Variants in CFAP221 observed in about 807,000 individuals in gnomAD.
CFAP221 encodes cilia- and flagella-associated protein 221.
In CFAP221, 97 loss-of-function variants were observed where a neutral mutation model predicts 113.1. That is an observed-to-expected ratio of 0.86 (90% confidence interval 0.73 to 1.02). The LOEUF is 1.02. Among genes scored for constraint, CFAP221 ranks in the 50% least tolerant of loss-of-function variants. CFAP221 has a pLI of 0.00. For synonymous variants in CFAP221, 331 were observed against 354.4 expected, an observed-to-expected ratio of 0.93 and a Z score of 0.74; for missense variants, 1,025 against 1,013.4, an observed-to-expected ratio of 1.01 and a Z score of -0.16.
intron 3 of CFAP221, among the ~76,000 whole-genome samples, chr2:119,555,069 G>T (rs1366513626): frequency 6.6e-6 from 1 of 152,206 alleles, no homozygotes; most frequent in East Asian, 1.9e-4. Flanking sequence ...GGGATTGGGG[G>T]TGAAGAGAGC....
rs1685481721 is a variant in CFAP221, at chr2:119,615,777, T to G, written c.1410+68T>G. 2.4e-6 allele frequency: 3 copies of G among 1,229,782 alleles called. No individual in the cohort carries two copies. The African/African-American group carries it at 4.6e-5, about 19-fold the overall frequency. The allele number at this position is 1,229,782 out of a possible 1,614,324, so 76.2% of individuals were successfully genotyped here. On this transcript the variant is annotated intron_variant, in intron 14 of 23. Transcript: ENST00000413369. ...TCAGCATAAGGAAATCAAGCAATGG[T>G]GGTTTGATAACACCTTTATTGAGAT... is the stretch of plus-strand genomic sequence containing the variant.
At chr2:119,598,510 T>G (rs1365255819) in intron 7 of CFAP221, among the ~76,000 whole-genome samples, 1 of 152,248 alleles carries the variant, frequency 6.6e-6, no homozygotes, top group Non-Finnish European at 1.5e-5. Context: ...CCATGTCCTG[T>G]GATTCCACAT....
chr2:119,627,731 A>T lies in CFAP221; in HGVS notation c.1595A>T (p.Glu532Val), dbSNP rs780666774. ...YTSRFSVSPK[E>V]VLPFAFPDCS... is the part of the protein sequence containing the mutation. ...AGCCGGTTCTCTGTGTCGCCCAAGG[A>T]GGTGCTGCCCTTCGCTTTCCCAGAC... The change falls in exon 16 of 24, where the codon GAG becomes GTG. Residue 532 changes from glutamate to valine, a missense_variant. Physicochemically the swap from Glu to Val is moderately radical, Grantham distance 121. Coordinates refer to ENST00000413369, the MANE Select transcript of CFAP221 (RefSeq NM_001271049.2). 1.9e-5 allele frequency: 30 copies of T among 1,613,610 alleles called. No homozygotes were observed. In the Admixed American group the frequency reaches 2.2e-4, roughly 12 times the overall value.
At chr2:119,607,559 G>A (rs1310982038) in intron 11 of CFAP221, among the ~76,000 whole-genome samples, 3 of 152,178 alleles carry the variant, frequency 2.0e-5, no homozygotes, top group Admixed American at 2.0e-4. Context: ...ATATTGTGCA[G>A]AGGTTTTTAG....
chr2:119,604,738 G>T lies in CFAP221; in HGVS notation c.858G>T (p.Met286Ile). ...TAAACGTTCCTCCAGAAAAAGCAAT[G>T]ATGCATATAAATTTTCACCGACCGC... ...KKVNVPPEKA[M>I]MHINFHRPPA... The change falls in exon 9 of 24, where the codon ATG becomes ATT. Residue 286 changes from methionine (M) to isoleucine (I), a missense_variant. Met to Ile is a conservative substitution (Grantham distance 10). Coordinates refer to ENST00000413369, the MANE Select transcript of CFAP221 (RefSeq NM_001271049.2). 6.4e-7 allele frequency: 1 copy of T among 1,550,444 alleles called. No homozygotes were observed. The highest frequency in any genetic ancestry group is 1.2e-5 in the South Asian group (1 of 80,968).
At chr2:119,636,873 A>G (rs1217474419) in intron 19 of CFAP221, among the ~76,000 whole-genome samples, 2 of 152,166 alleles carry the variant, frequency 1.3e-5, no homozygotes, top group Non-Finnish European at 2.9e-5. Context: ...TATGGGAGAC[A>G]GTGCCATTGC....
At chr2:119,585,817 A>G (rs762663758) in intron 6 of CFAP221, among the ~76,000 whole-genome samples, 11 of 152,194 alleles carry the variant, frequency 7.2e-5, no homozygotes, top group African/African-American at 2.7e-4. Flanking sequence ...TGGAGACCCA[A>G]ATGGACTTGG....
chr2:119,608,777 G>A (rs946624012), intron 12 of CFAP221, among the ~76,000 whole-genome samples, 188 bp downstream of exon 12: 6 of 152,216 alleles, frequency 3.9e-5, no homozygotes, highest in Non-Finnish European at 5.9e-5. Flanking sequence ...ACTAAGTTTT[G>A]TGGGGATTCA....
chr2:119,560,179 G>A (rs182900378), intron 5 of CFAP221, among the ~76,000 whole-genome samples, 153 bp downstream of exon 5: 12 of 151,614 alleles, frequency 7.9e-5, no homozygotes, highest in Admixed American at 1.3e-4. Context: ...TGTGACTGGC[G>A]TGCAAAGCTT....
chr2:119,602,719 C>A (rs1344043709), intron 8 of CFAP221: 1 of 985,388 alleles, frequency 1.0e-6, no homozygotes, highest in Non-Finnish European at 1.2e-6. Flanking sequence ...TAGAACTGAA[C>A]ACAAATTTTA....
In CFAP221 at chr2:119,601,227, C is replaced by T. The variant is rs1024809720; in HGVS notation, c.641C>T (p.Pro214Leu). Residue 214 changes from proline (P) to leucine (L), a missense_variant, in exon 8 of 24, where the codon CCG becomes CTG. Transcript: ENST00000413369. ...ATTTCTTTCCTCTCAGGAATAATTC[C>T]GGCTAATGGGAAGATGACTGTGACT... ...FAIEPTSGIIPANGKMTVTIK... is the reference protein window; with the variant it reads ...FAIEPTSGIILANGKMTVTIK... 5.3e-6 allele frequency: 8 copies of T among 1,520,156 alleles called. No individual in the cohort carries two copies. In the African/African-American group the frequency reaches 5.5e-5, roughly 10 times the overall value. The allele number at this position is 1,520,156 out of a possible 1,614,324, so 94.2% of individuals were successfully genotyped here.
intron 19 of CFAP221, among the ~76,000 whole-genome samples, chr2:119,632,805 A>G (rs1277520281): frequency 6.6e-6 from 1 of 152,162 alleles, no homozygotes; most frequent in Non-Finnish European, 1.5e-5. Context: ...AGGATGCAGA[A>G]TCACCATATA....
chr2:119,608,126 G>A (rs2104688001), intron 11 of CFAP221, among the ~76,000 whole-genome samples: 1 of 152,178 alleles, frequency 6.6e-6, no homozygotes, highest in South Asian at 2.1e-4. Flanking sequence ...ATTCCCACTA[G>A]CAACATATGA....
rs1037979839 is a variant in CFAP221 at position 119,629,609 on chromosome 2, C to A, written c.1651-266C>A. Among the ~76,000 whole-genome samples, 4 of 152,208 alleles carry A rather than the reference C, an allele frequency of 2.6e-5. No homozygotes were observed. The South Asian group carries it at 8.3e-4, about 32-fold the overall frequency. On this transcript the variant is annotated intron_variant, in intron 16 of 23. Coordinates refer to ENST00000413369, the MANE Select transcript of CFAP221 (RefSeq NM_001271049.2). ...GGACTGAGTCCTTCAAGCCTGAGTC[C>A]TTCAAGCCTGAGGAAGTTTCTGAGT...
chr2:119,638,288 G>C lies in CFAP221; in HGVS notation c.2004G>C (p.Met668Ile). Reference sequence around the variant, plus strand: ...CCAACCCAGGATTATTTGCTGTAATGCATCCTCTGACCTATGCAGAAACGT... The same window carrying C: ...CCAACCCAGGATTATTTGCTGTAATCCATCCTCTGACCTATGCAGAAACGT... ...FNPNPGLFAVMHPLTYAETLI... is the reference protein window; with the variant it reads ...FNPNPGLFAVIHPLTYAETLI... The change falls in exon 20 of 24, where the codon ATG becomes ATC. Residue 668 changes from methionine (M) to isoleucine (I), a missense_variant. Transcript: ENST00000413369. The C allele has an allele frequency of 6.2e-7, 1 of 1,614,094 alleles. No homozygotes were observed. Among genetic ancestry groups the C allele is most frequent in the Non-Finnish European group, 8.5e-7 (1 of 1,179,958 alleles).
intron 6 of CFAP221, among the ~76,000 whole-genome samples, chr2:119,577,097 C>T (rs1682501726): frequency 1.3e-5 from 2 of 152,208 alleles, no homozygotes; most frequent in South Asian, 4.1e-4. Flanking sequence ...AGACATTTCT[C>T]ACATATCTAG....
intron 16 of CFAP221, among the ~76,000 whole-genome samples, chr2:119,628,896 C>T (rs1686561814): frequency 6.6e-6 from 1 of 152,152 alleles, no homozygotes; most frequent in South Asian, 2.1e-4. Flanking sequence ...GAAAGAGATC[C>T]TCACTGTGCA....
intron 7 of CFAP221, among the ~76,000 whole-genome samples, chr2:119,600,724 T>G (rs1684306332): frequency 6.6e-6 from 1 of 152,152 alleles, no homozygotes; most frequent in African/African-American, 2.4e-5. Context: ...ATATTCAGAT[T>G]TTTTTCAGTA....
chr2:119,560,140 C>T (rs1426252500), intron 5 of CFAP221, 114 bp downstream of exon 5: 18 of 842,520 alleles, frequency 2.1e-5, no homozygotes, highest in Non-Finnish European at 3.3e-5. Context: ...CTTTCTTGGC[C>T]CAGTACCGGG....
Sources: allele counts gnomAD v4.1 joint callset (sites outside exome capture counted in the v4.1 genomes callset), GRCh38; gene constraint gnomAD v4.1.1; transcripts MANE v1.5; gene names NCBI Gene and HGNC (gene_info 2026-07-23, HGNC 2026-07-21).